The following NKAIN2 variants were observed in gnomAD, a reference collection of about 807,000 sequenced individuals.
The protein encoded by NKAIN2 is sodium/potassium transporting ATPase interacting 2, also known as sodium/potassium-transporting ATPase subunit beta-1-interacting protein 2.
NKAIN2 carries 14 observed loss-of-function variants against 32.6 expected under a neutral mutation model. The observed-to-expected ratio is 0.43, with a 90% CI of 0.28 to 0.67. The LOEUF (loss-of-function observed/expected upper bound fraction) is 0.67. NKAIN2 is among the 30% of genes least tolerant of loss of function. NKAIN2 has a pLI of 0.17. For synonymous variants in NKAIN2, 80 were observed against 87.2 expected (o/e 0.92, Z 0.46); for missense variants, 198 against 258.3 (o/e 0.77, Z 1.60).
intron 1 of NKAIN2, among the ~76,000 whole-genome samples, chr6:124,097,493 T>G (rs111875130): frequency 4.0e-4 from 61 of 152,222 alleles, no homozygotes; most frequent in African/African-American, 1.4e-3. Flanking sequence ...TATTTCCAAA[T>G]TAGATAGGCA....
chr6:123,858,743 CATT>C (rs1775661887), intron 1 of NKAIN2, among the ~76,000 whole-genome samples: 1 of 152,130 alleles, frequency 6.6e-6, no homozygotes, highest in Non-Finnish European at 1.5e-5. Context: ...AAGTTCAGCA[CATT>C]ATTGAAGCGT....
At chr6:124,334,379 A>G (rs1285310943) in intron 2 of NKAIN2, among the ~76,000 whole-genome samples, 1 of 152,224 alleles carries the variant, frequency 6.6e-6, no homozygotes, top group Non-Finnish European at 1.5e-5. Context: ...AATTCATGCA[A>G]TGCTGGCTGA....
chr6:124,379,128 GAGGAGA>G (rs1800119766), intron 3 of NKAIN2, among the ~76,000 whole-genome samples: 2 of 69,490 alleles, frequency 2.9e-5, no homozygotes, highest in Admixed American at 1.7e-4. Flanking sequence ...GAGGGGAGGG[GAGGAGA>G]GGGGAGGGGA....
chr6:124,767,681 A>G (rs1156794248), intron 4 of NKAIN2, among the ~76,000 whole-genome samples: 2 of 152,110 alleles, frequency 1.3e-5, no homozygotes, highest in Non-Finnish European at 1.5e-5. Context: ...GCAGATCTTG[A>G]TATCTTTCAC....
At chr6:124,329,554 G>A (rs1341571941) in intron 2 of NKAIN2, among the ~76,000 whole-genome samples, 2 of 152,174 alleles carry the variant, frequency 1.3e-5, no homozygotes, top group Non-Finnish European at 2.9e-5. Context: ...TTGTCGCTGG[G>A]AGTGATGAGC....
At chr6:124,211,258 T>C (rs1271059692) in intron 1 of NKAIN2, among the ~76,000 whole-genome samples, 1 of 151,834 alleles carries the variant, frequency 6.6e-6, no homozygotes, top group Non-Finnish European at 1.5e-5. Flanking sequence ...AAAAAGATTA[T>C]ATTTAAAAAA....
chr6:123,920,967 T>C (rs1775724041), intron 1 of NKAIN2, among the ~76,000 whole-genome samples: 1 of 152,196 alleles, frequency 6.6e-6, no homozygotes, highest in Admixed American at 6.5e-5. Context: ...TCCACTCCTG[T>C]TCACCAGGAA....
chr6:124,783,053 G>A (rs553033451), intron 4 of NKAIN2, among the ~76,000 whole-genome samples: 15 of 152,144 alleles, frequency 9.9e-5, no homozygotes, highest in African/African-American at 2.4e-4. Context: ...TCTCCCAACC[G>A]GCACATGTAT....
At position 124,157,073 on chromosome 6, in the gene NKAIN2, G is replaced by A. The variant is rs183206663; in HGVS notation, c.55-125932G>A. 6.6e-4 allele frequency among the ~76,000 whole-genome samples: 81 copies of A among 121,848 alleles called. 1 individual carries two copies. Among genetic ancestry groups the A allele is most frequent in the African/African-American group, 2.2e-3 (74 of 33,086 alleles). 79.9% of individuals were successfully genotyped at this position (121,848 alleles called of 152,430 possible). ...AGCCGAGATCGAGCCACTGCACTCC[G>A]GCCTGGGTGGCAGAGTGAGACTCTG... On this transcript the variant is annotated intron_variant, in intron 1 of 6. Transcript: ENST00000368417.
At chr6:124,260,158 A>G (rs1422133372) in intron 1 of NKAIN2, among the ~76,000 whole-genome samples, 1 of 152,186 alleles carries the variant, frequency 6.6e-6, no homozygotes, top group Non-Finnish European at 1.5e-5. Context: ...GTCTTCAGCA[A>G]TATATATTGA....
At position 124,309,405 on chromosome 6, in the gene NKAIN2, T is replaced by C. The variant is rs374360431; in HGVS notation, c.192+26263T>C. On this transcript the variant is annotated intron_variant, in intron 2 of 6. Transcript: ENST00000368417. The stretch of plus-strand genomic sequence containing the variant: ...TTAACTTGAGTTAATAGCAGGTCTA[T>C]ATCTGAAATCAAGTTGATATTCTCA... Among the ~76,000 whole-genome samples, 7 of 152,238 alleles carry C rather than the reference T, an allele frequency of 4.6e-5. No individual in the cohort carries two copies. The East Asian group carries it at 7.7e-4, about 17-fold the overall frequency.
chr6:124,228,011 C>CT, intron 1 of NKAIN2, among the ~76,000 whole-genome samples: 1 of 152,258 alleles, frequency 6.6e-6, no homozygotes, highest in African/African-American at 2.4e-5. Flanking sequence ...TAAAGTAACA[C>CT]TTTCTTGCTA....
intron 1 of NKAIN2, among the ~76,000 whole-genome samples, chr6:124,105,943 A>C (rs1053979418): frequency 6.6e-6 from 1 of 152,162 alleles, no homozygotes; most frequent in East Asian, 1.9e-4. Flanking sequence ...GCTTTTTTAA[A>C]TCACTATTTT....
chr6:124,218,276 C>G (rs551850169), intron 1 of NKAIN2, among the ~76,000 whole-genome samples: 1 of 151,966 alleles, frequency 6.6e-6, no homozygotes, highest in African/African-American at 2.4e-5. Context: ...TTGGCGCGTG[C>G]GTGGAGTATT....
chr6:123,829,697 T>A (rs1423742507), intron 1 of NKAIN2, among the ~76,000 whole-genome samples: 1 of 152,178 alleles, frequency 6.6e-6, no homozygotes, highest in Non-Finnish European at 1.5e-5. Context: ...TAGTTATTGG[T>A]AGAACAGCTA....
intron 3 of NKAIN2, among the ~76,000 whole-genome samples, chr6:124,578,861 A>AG (rs1781426160): frequency 6.6e-6 from 1 of 152,050 alleles, no homozygotes; most frequent in Non-Finnish European, 1.5e-5. Flanking sequence ...TCAGCGCAGA[A>AG]AGAGACAGAA....
chr6:124,381,550 C>G (rs1772639522), intron 3 of NKAIN2, among the ~76,000 whole-genome samples: 1 of 152,094 alleles, frequency 6.6e-6, no homozygotes, highest in South Asian at 2.1e-4. Context: ...TAACTATAAC[C>G]TAACTAATGC....
intron 1 of NKAIN2, among the ~76,000 whole-genome samples, chr6:124,104,730 G>T (rs1209421271): frequency 1.3e-5 from 2 of 152,202 alleles, no homozygotes; most frequent in Admixed American, 1.3e-4. Flanking sequence ...AATTAATTTT[G>T]TTCTAAATGA....
intron 3 of NKAIN2, among the ~76,000 whole-genome samples, chr6:124,522,421 G>C (rs571652863): frequency 4.5e-4 from 69 of 152,298 alleles, no homozygotes; most frequent in African/African-American, 1.7e-3. Context: ...ATAGTGGTGA[G>C]CATTCCTTCA....
Sources: gnomAD v4.1 joint callset for allele counts (sites outside exome capture counted in the v4.1 genomes callset) on GRCh38, gnomAD v4.1.1 for gene constraint, MANE v1.5 for transcripts, NCBI Gene and HGNC (gene_info 2026-07-23, HGNC 2026-07-21) for gene names.